The following GRIN2A variants were observed in gnomAD, a reference collection of about 807,000 sequenced individuals.
GRIN2A encodes glutamate receptor ionotropic, NMDA 2A.
GRIN2A carries 22 observed loss-of-function variants against 113.4 expected under a neutral mutation model. The ratio of observed to expected loss-of-function variants is 0.19; its 90% CI spans 0.14 to 0.28. The LOEUF is 0.28. Ranked by LOEUF, GRIN2A falls within the 10% of genes least tolerant of loss-of-function variation. The pLI, the probability that GRIN2A is intolerant of heterozygous loss-of-function variation, is 1.00. For synonymous variants in GRIN2A, 827 were observed against 738.4 expected (o/e 1.12, Z -1.94); for missense variants, 1,502 against 1,887.0 (o/e 0.80, Z 3.78).
chr16:10,079,186 C>A (rs1018542245), intron 2 of GRIN2A, among the ~76,000 whole-genome samples: 6 of 152,108 alleles, frequency 3.9e-5, no homozygotes, highest in Admixed American at 2.0e-4. Flanking sequence ...AGCTTAATTT[C>A]TAGTAGGGAC....
chr16:9,911,879 T>C (rs545195795), intron 3 of GRIN2A, among the ~76,000 whole-genome samples: 1 of 152,314 alleles, frequency 6.6e-6, no homozygotes, highest in South Asian at 2.1e-4. Context: ...TTAGTCAAGC[T>C]GAAAAGCAGC....
chr16:9,774,651 G>T (rs1400342120), intron 11 of GRIN2A, among the ~76,000 whole-genome samples: 2 of 152,384 alleles, frequency 1.3e-5, no homozygotes, highest in South Asian at 4.1e-4. Context: ...GCACGCAGGT[G>T]CAGAGAGGTT....
At chr16:9,857,861 G>C (rs1036384825) in intron 4 of GRIN2A, among the ~76,000 whole-genome samples, 2 of 152,178 alleles carry the variant, frequency 1.3e-5, no homozygotes, top group African/African-American at 2.4e-5. Flanking sequence ...ACTAACTTTA[G>C]TTTAATTTAG....
chr16:10,112,681 A>T (rs1424643922), intron 2 of GRIN2A: 2 of 752,806 alleles, frequency 2.7e-6, no homozygotes, highest in Non-Finnish European at 4.9e-6. Context: ...AGCGAGGGGG[A>T]AAAGGTGAAT....
intron 2 of GRIN2A, among the ~76,000 whole-genome samples, chr16:10,152,503 A>G (rs2049602610): frequency 6.6e-6 from 1 of 152,188 alleles, no homozygotes; most frequent in Non-Finnish European, 1.5e-5. Context: ...CACTGAGTCC[A>G]GTCCGTTTTC....
chr16:9,808,931 G>T (rs897181644), intron 10 of GRIN2A, among the ~76,000 whole-genome samples: 1 of 151,620 alleles, frequency 6.6e-6, no homozygotes, highest in Non-Finnish European at 1.5e-5. Flanking sequence ...AAAGTCTAGT[G>T]AGAAGAAAAT....
chr16:9,935,512 T>TCACACACACACACACACA (rs71157793), intron 3 of GRIN2A, among the ~76,000 whole-genome samples: 1 of 132,834 alleles, frequency 7.5e-6, no homozygotes. Flanking sequence ...GTCTACTTCA[T>TCACACACACACACACACA]CACACACACA....
chr16:10,145,777 C>T (rs1280027656), intron 2 of GRIN2A, among the ~76,000 whole-genome samples: 2 of 152,178 alleles, frequency 1.3e-5, no homozygotes, highest in Admixed American at 1.3e-4. Flanking sequence ...TGTTGTAATA[C>T]GAAAGCACCC....
intron 2 of GRIN2A, among the ~76,000 whole-genome samples, chr16:10,075,723 A>G (rs1443129226): frequency 5.3e-5 from 8 of 152,168 alleles, no homozygotes. Flanking sequence ...TGACTAACAC[A>G]TTCTGTACTA....
intron 2 of GRIN2A, among the ~76,000 whole-genome samples, chr16:10,132,486 G>A (rs954419677): frequency 9.9e-5 from 15 of 152,066 alleles, no homozygotes; most frequent in African/African-American, 2.9e-4. Flanking sequence ...GTCATCCTAC[G>A]TCAAATGTAA....
intron 2 of GRIN2A, among the ~76,000 whole-genome samples, chr16:9,987,814 A>C (rs2046008280): frequency 6.6e-6 from 1 of 152,172 alleles, no homozygotes; most frequent in Non-Finnish European, 1.5e-5. Context: ...AATGGAGAAA[A>C]TTCCCAAGCA....
intron 2 of GRIN2A, among the ~76,000 whole-genome samples, chr16:10,138,295 A>G (rs995442202): frequency 2.6e-5 from 4 of 152,218 alleles, no homozygotes; most frequent in African/African-American, 4.8e-5. Flanking sequence ...CATTTTCACA[A>G]TGTAAAGAAC....
intron 3 of GRIN2A, among the ~76,000 whole-genome samples, chr16:9,925,827 A>C (rs1375413682): frequency 1.3e-5 from 2 of 152,190 alleles, no homozygotes; most frequent in African/African-American, 2.4e-5. Context: ...AATCTCTCAA[A>C]CATATCTCCA....
intron 2 of GRIN2A, among the ~76,000 whole-genome samples, chr16:9,940,888 A>G (rs892873771): frequency 6.6e-6 from 1 of 152,034 alleles, no homozygotes; most frequent in South Asian, 2.1e-4. Flanking sequence ...GCAACAAGAT[A>G]AAAAAAACCA....
At chr16:10,085,603 GC>G (rs1369791409) in intron 2 of GRIN2A, among the ~76,000 whole-genome samples, 3 of 152,166 alleles carry the variant, frequency 2.0e-5, no homozygotes, top group Non-Finnish European at 4.4e-5. Context: ...TGCTTGGTTG[GC>G]CGTGTCAAAC....
At chr16:10,169,833 T>C (rs539804878) in intron 2 of GRIN2A, among the ~76,000 whole-genome samples, 82 of 152,298 alleles carry the variant, frequency 5.4e-4, no homozygotes, top group Admixed American at 5.4e-3. Context: ...ATTTAAACAT[T>C]ATATTTCTAT....
chr16:9,918,871 A>C (rs979105478), intron 3 of GRIN2A, among the ~76,000 whole-genome samples: 2 of 151,610 alleles, frequency 1.3e-5, no homozygotes, highest in African/African-American at 4.8e-5. Flanking sequence ...ACGGGCGTTT[A>C]GTGGTTAATG....
chr16:10,045,142 T>C (rs900997688), intron 2 of GRIN2A, among the ~76,000 whole-genome samples: 2 of 152,226 alleles, frequency 1.3e-5, no homozygotes, highest in African/African-American at 4.8e-5. Flanking sequence ...CCTTGCCAAT[T>C]GGCCGAAGTC....
At chr16:10,155,166 G>T (rs2049663785) in intron 2 of GRIN2A, among the ~76,000 whole-genome samples, 1 of 152,196 alleles carries the variant, frequency 6.6e-6, no homozygotes, top group South Asian at 2.1e-4. Flanking sequence ...AGAGCAAACT[G>T]CAAAATGAGG....
Sources: gnomAD v4.1 joint callset for allele counts (sites outside exome capture counted in the v4.1 genomes callset) on GRCh38, gnomAD v4.1.1 for gene constraint, MANE v1.5 for transcripts, NCBI Gene and HGNC (gene_info 2026-07-23, HGNC 2026-07-21) for gene names.